The following NAV1 variants were observed in gnomAD, a reference collection of about 807,000 sequenced individuals.
NAV1 encodes pore membrane and/or filament interacting like protein 3.
Under a neutral mutation model 175.2 loss-of-function variants are expected in NAV1, and 18 were observed. The observed-to-expected ratio is 0.10, with a 90% CI of 0.07 to 0.15. The LOEUF (loss-of-function observed/expected upper bound fraction) is 0.15, where lower values mean the gene tolerates loss of function less well. Among genes scored for constraint, NAV1 ranks in the 10% least tolerant of loss-of-function variants. NAV1 has a pLI of 1.00. For synonymous variants in NAV1, 897 were observed against 978.7 expected (o/e 0.92, Z 1.56); for missense variants, 1,731 against 2,436.6 (o/e 0.71, Z 6.10).
At chr1:201,541,849 C>T (rs61819686) in intron 1 of NAV1, among the ~76,000 whole-genome samples, 3,590 of 152,218 alleles carry the variant, frequency 0.024, 48 homozygotes, top group Middle Eastern at 0.044. Context: ...CCTCTGGTAT[C>T]AACTCAGTTT....
chr1:201,611,783 C>T (rs534681271), intron 2 of NAV1, among the ~76,000 whole-genome samples: 1 of 152,032 alleles, frequency 6.6e-6, no homozygotes, highest in South Asian at 2.1e-4. Context: ...CTGAGATGAG[C>T]GAGGATCGGA....
At chr1:201,644,956 G>A (rs1453135977), upstream of NAV1, among the ~76,000 whole-genome samples, 3 of 152,152 alleles carry the variant, frequency 2.0e-5, no homozygotes, top group African/African-American at 7.2e-5. Context: ...GCCCTGGGGA[G>A]GGGGCATAAG....
chr1:201,565,736 C>T (rs1375450237), intron 1 of NAV1, among the ~76,000 whole-genome samples: 1 of 152,118 alleles, frequency 6.6e-6, no homozygotes, highest in East Asian at 1.9e-4. Context: ...GGGCTGTCAC[C>T]CACCCCCTGC....
intron 1 of NAV1, among the ~76,000 whole-genome samples, chr1:201,563,707 CAT>C (rs1277277433): frequency 2.6e-5 from 4 of 152,114 alleles, no homozygotes; most frequent in South Asian, 2.1e-4. Flanking sequence ...AATGAGGTAA[CAT>C]GTGAAAGACC....
At chr1:201,675,602 G>A (rs1670218612) in intron 1 of NAV1, among the ~76,000 whole-genome samples, 2 of 152,044 alleles carry the variant, frequency 1.3e-5, no homozygotes, top group African/African-American at 2.4e-5. Context: ...TCATCCCAGA[G>A]GAATTTGCAC....
rs116667988 is a variant in NAV1 at position 201,753,767 on chromosome 1, A to G, written c.1227-26654A>G. Among the ~76,000 whole-genome samples, 543 of 152,368 alleles carry G rather than the reference A, an allele frequency of 3.6e-3. 9 individuals carry two copies. The highest frequency in any genetic ancestry group is 0.013 in the African/African-American group (528 of 41,590). ...TGCTAGGCAAACTCCACATAGGAGCACATTCCAGAAACACACTGGGGGTTA... is the reference window on the plus strand; with the variant it reads ...TGCTAGGCAAACTCCACATAGGAGCGCATTCCAGAAACACACTGGGGGTTA... On this transcript the variant is annotated intron_variant, in intron 3 of 29. Transcript: ENST00000367296.
intron 8 of NAV1, 77 bp from the exon 13 acceptor site, chr1:201,786,352 C>A: frequency 6.9e-7 from 1 of 1,445,512 alleles, no homozygotes; most frequent in Non-Finnish European, 9.5e-7. Flanking sequence ...CAGCCTAGTT[C>A]AGACACCCTC....
At chr1:201,654,787 AT>A (rs1292199309) in intron 1 of NAV1, among the ~76,000 whole-genome samples, 7 of 152,180 alleles carry the variant, frequency 4.6e-5, no homozygotes, top group Non-Finnish European at 8.8e-5. Flanking sequence ...TAATCCCACT[AT>A]AGCATCATAG....
chr1:201,664,831 A>G (rs1474670982), intron 1 of NAV1, among the ~76,000 whole-genome samples: 1 of 151,922 alleles, frequency 6.6e-6, no homozygotes, highest in Non-Finnish European at 1.5e-5. Flanking sequence ...CCCCTCTGCC[A>G]CCAGTCCACC....
At position 201,738,880 on chromosome 1, in the gene NAV1, A is replaced by G. The variant is rs954644076; in HGVS notation, c.1226+20125A>G. Among the ~76,000 whole-genome samples, 9 of 152,308 alleles carry G rather than the reference A, an allele frequency of 5.9e-5. No homozygotes were observed. The South Asian group carries it at 1.9e-3, about 32-fold the overall frequency. ...CAGGTATAATTTGTCCATCTCTAAA[A>G]TGTAGGCTTCCCAGTTTGCCCAGTT... On this transcript the variant is annotated intron_variant, in intron 3 of 29. Coordinates refer to ENST00000367296, the Ensembl canonical transcript of NAV1.
chr1:201,779,362 C>T (rs1278441832), intron 3 of NAV1, among the ~76,000 whole-genome samples: 2 of 150,652 alleles, frequency 1.3e-5, no homozygotes, highest in African/African-American at 4.9e-5. Context: ...GAGGCTGAGG[C>T]GGGCAGATCA....
At position 201,711,088 on chromosome 1, in the gene NAV1, G is replaced by T. The variant is rs34013693; in HGVS notation, c.758-1729G>T. Among the ~76,000 whole-genome samples the T allele has an allele frequency of 1.4e-3, 213 of 152,364 alleles. 6 individuals are homozygous for T. In the South Asian group the frequency reaches 0.029, roughly 21 times the overall value. ...ATGCCAAGCCATCAATTAAAGCCAT[G>T]GAGCAGCTTACAAGGTGACACTTGC... On this transcript the variant is annotated intron_variant, in intron 1 of 29. Coordinates refer to ENST00000367296, the Ensembl canonical transcript of NAV1.
chr1:201,734,482 G>A (rs367847906), intron 3 of NAV1, among the ~76,000 whole-genome samples: 4 of 53,794 alleles, frequency 7.4e-5, no homozygotes, highest in South Asian at 4.2e-4. Flanking sequence ...AGGAGGAGGA[G>A]GAGGAAGAAG....
chr1:201,658,687 G>A (rs72739969), intron 1 of NAV1, among the ~76,000 whole-genome samples: 7,798 of 152,192 alleles, frequency 0.051, 259 homozygotes, highest in Non-Finnish European at 0.073. Context: ...ATCAAAGTTC[G>A]TCCCCAAAGG....
intron 2 of NAV1, among the ~76,000 whole-genome samples, chr1:201,601,628 G>A (rs572539630): frequency 2.0e-5 from 3 of 152,266 alleles, no homozygotes; most frequent in Admixed American, 1.3e-4. Flanking sequence ...TCTTTCCAAC[G>A]TGTGAGGACA....
At chr1:201,616,779 G>T (rs1246080635) in intron 2 of NAV1, among the ~76,000 whole-genome samples, 4 of 152,178 alleles carry the variant, frequency 2.6e-5, no homozygotes, top group African/African-American at 9.7e-5. Context: ...AAGCCACCAT[G>T]CCCGGCCTGT....
At chr1:201,562,162 G>A (rs906972382) in intron 1 of NAV1, among the ~76,000 whole-genome samples, 24 of 140,352 alleles carry the variant, frequency 1.7e-4, no homozygotes, top group Non-Finnish European at 2.1e-4. Flanking sequence ...ACACCACCTT[G>A]CCTGGCTAAT....
rs376693012 is a variant in NAV1 at position 201,803,581 on chromosome 1, A to G, written c.3518-12A>G. On this transcript the variant is annotated splice_polypyrimidine_tract_variant and intron_variant, in intron 15 of 29. Coordinates refer to ENST00000367296, the Ensembl canonical transcript of NAV1. ...TCTGTTCTATGTTTTTCCCACTTGT[A>G]CTTGGCCCTAGAACTTCGGATCAAG... 5.0e-6 allele frequency: 8 copies of G among 1,612,316 alleles called. No individual in the cohort carries two copies. The African/African-American group carries it at 9.4e-5, about 19-fold the overall frequency.
exon 2 of NAV1, chr1:201,712,873 C>G (rs570232872): frequency 6.2e-7 from 1 of 1,614,102 alleles, no homozygotes. Flanking sequence ...CCGGCAGAAC[C>G]TGGAAGAGAC....
Sources: gnomAD v4.1 joint callset for allele counts (sites outside exome capture counted in the v4.1 genomes callset) on GRCh38, gnomAD v4.1.1 for gene constraint, MANE v1.5 for transcripts, NCBI Gene and HGNC (gene_info 2026-07-23, HGNC 2026-07-21) for gene names.